The following CISD2 variants were observed in gnomAD, a reference collection of about 807,000 sequenced individuals.
CISD2 encodes CDGSH iron-sulfur domain-containing protein 2.
Under a neutral mutation model 12.9 loss-of-function variants are expected in CISD2, and 1 was observed. The observed-to-expected ratio is 0.08, with a 90% CI of 0.03 to 0.37. The LOEUF (loss-of-function observed/expected upper bound fraction) is 0.37, where lower values mean the gene tolerates loss of function less well. Among genes scored for constraint, CISD2 ranks in the 10% least tolerant of loss-of-function variants. The pLI, the probability that CISD2 is intolerant of heterozygous loss-of-function variation, is 0.99. For missense variants in CISD2, 97 were observed against 163.1 expected (o/e 0.59, Z 2.21); for synonymous variants, 50 against 60.6 (o/e 0.83, Z 0.81).
intron 1 of CISD2, among the ~76,000 whole-genome samples, chr4:102,871,433 T>G (rs1733445206): frequency 6.6e-6 from 1 of 152,210 alleles, no homozygotes; most frequent in African/African-American, 2.4e-5. Context: ...TAACATACAT[T>G]TAACTTAAGT....
At chr4:102,879,886 A>G (rs564562173) in intron 1 of CISD2, among the ~76,000 whole-genome samples, 1 of 152,312 alleles carries the variant, frequency 6.6e-6, no homozygotes, top group East Asian at 1.9e-4. Context: ...CTGGGGACAC[A>G]GATGATCAGA....
intron 1 of CISD2, among the ~76,000 whole-genome samples, chr4:102,880,318 A>C (rs1021033396): frequency 6.6e-6 from 1 of 152,162 alleles, no homozygotes; most frequent in Non-Finnish European, 1.5e-5. Flanking sequence ...TTTCCAACTG[A>C]TATTAAGGAG....
chr4:102,891,757 A>C lies in CISD2; in HGVS notation c.*4327A>C, dbSNP rs1334509711. The C allele has an allele frequency of 6.6e-6, 1 of 152,252 alleles. No homozygotes were observed. Among genetic ancestry groups the C allele is most frequent in the Non-Finnish European group, 1.5e-5 (1 of 68,042 alleles). The allele number at this position is 152,252 out of a possible 1,614,324, so 9.4% of individuals were successfully genotyped here. On this transcript the variant is annotated 3_prime_UTR_variant, in exon 3 of 3. Transcript: ENST00000273986. ...ATTTTGTTAAAGTTTGAGGAAAACT[A>C]AATAAAGCAGTAGCAATTTAAGTCA...
Position 102,883,983 on chromosome 4 carries a change from C to A in CISD2, c.104-1233C>A, listed in dbSNP as rs1733792787. ...TAAATAGGTTTTTTCATTTAGATTT[C>A]TTTGGCATGATGTTATATCAAAAAT... On this transcript the variant is annotated intron_variant, in intron 1 of 2. Transcript: ENST00000273986. Among the ~76,000 whole-genome samples, 5 of 152,124 alleles carry A rather than the reference C, an allele frequency of 3.3e-5. No individual in the cohort carries two copies. The South Asian group carries it at 1.0e-3, about 32-fold the overall frequency.
intron 1 of CISD2, among the ~76,000 whole-genome samples, chr4:102,879,126 C>T (rs1733656078): frequency 6.6e-6 from 1 of 152,016 alleles, no homozygotes; most frequent in South Asian, 2.1e-4. Context: ...GGGAGATTGC[C>T]TTGATGATTT....
intron 2 of CISD2, among the ~76,000 whole-genome samples, chr4:102,886,816 T>A (rs1733948454): frequency 6.6e-6 from 1 of 152,132 alleles, no homozygotes; most frequent in South Asian, 2.1e-4. Context: ...CGTTTTACCA[T>A]GTTGGCCAGA....
intron 1 of CISD2, among the ~76,000 whole-genome samples, chr4:102,876,321 T>C (rs902666906): frequency 9.8e-5 from 15 of 152,346 alleles, no homozygotes; most frequent in African/African-American, 3.6e-4. Context: ...ATTAGTTGTT[T>C]ACTGAAGTCC....
At chr4:102,885,471 C>G (rs111359083) in intron 2 of CISD2, 41 bp downstream of exon 2, 9 of 1,513,616 alleles carry the variant, frequency 5.9e-6, no homozygotes, top group Non-Finnish European at 8.3e-6. Flanking sequence ...TTTTGCAGTG[C>G]TAGGATTGTT....
chr4:102,882,235 T>C (rs1184664997), intron 1 of CISD2, among the ~76,000 whole-genome samples: 1 of 152,136 alleles, frequency 6.6e-6, no homozygotes, highest in Non-Finnish European at 1.5e-5. Flanking sequence ...TCCCATTCAC[T>C]CGCTTTTTGA....
In CISD2 at chr4:102,890,532, C is replaced by T. The variant is rs1279034425; in HGVS notation, c.*3102C>T. The T allele has an allele frequency of 6.6e-6, 1 of 152,082 alleles. No individual in the cohort carries two copies. The highest frequency in any genetic ancestry group is 1.5e-5 in the Non-Finnish European group (1 of 68,034). The allele number at this position is 152,082 out of a possible 1,614,324, so 9.4% of individuals were successfully genotyped here. On this transcript the variant is annotated 3_prime_UTR_variant, in exon 3 of 3. Coordinates refer to ENST00000273986, the MANE Select transcript of CISD2 (RefSeq NM_001008388.5). ...AGGGGAGATGTTACTAATGCTTGTA[C>T]TTTATTCAGAAATGAGTGCCTCATT...
chr4:102,872,226 G>C (rs1345420828), intron 1 of CISD2, among the ~76,000 whole-genome samples: 1 of 152,058 alleles, frequency 6.6e-6, no homozygotes, highest in Non-Finnish European at 1.5e-5. Flanking sequence ...GTGCCACCAT[G>C]CCTGGCTAAT....
chr4:102,882,605 G>C (rs1303274817), intron 1 of CISD2, among the ~76,000 whole-genome samples: 1 of 152,170 alleles, frequency 6.6e-6, no homozygotes, highest in Non-Finnish European at 1.5e-5. Context: ...AATGTTCTCT[G>C]TACTGTTCAA....
chr4:102,881,154 T>C (rs1004257380), intron 1 of CISD2, among the ~76,000 whole-genome samples: 12 of 152,136 alleles, frequency 7.9e-5, no homozygotes, highest in African/African-American at 2.7e-4. Context: ...TTCTTCTGTA[T>C]TTTATCTTTC....
At position 102,877,096 on chromosome 4, in the gene CISD2, C is replaced by T. The variant is rs112823971; in HGVS notation, c.103+7909C>T. Reference sequence around the variant, plus strand: ...AAGCCATATTATTCCACCCCTGGCTCCTCCCAAATTTCACATTCATTTTGC... The same window carrying T: ...AAGCCATATTATTCCACCCCTGGCTTCTCCCAAATTTCACATTCATTTTGC... On this transcript the variant is annotated intron_variant, in intron 1 of 2. Coordinates refer to ENST00000273986, the MANE Select transcript of CISD2 (RefSeq NM_001008388.5). Among the ~76,000 whole-genome samples the T allele has an allele frequency of 9.9e-4, 150 of 152,230 alleles. 1 individual carries two copies. The highest frequency in any genetic ancestry group is 3.5e-3 in the African/African-American group (147 of 41,544).
rs1435828968 is a variant in CISD2 at position 102,889,160 on chromosome 4, T to G, written c.*1730T>G. ...TTTTAGAGTTAGAAATGTAGTCTGG[T>G]TTTTGAGAAGTTTTACAAGGTGTAT... On this transcript the variant is annotated 3_prime_UTR_variant, in exon 3 of 3. Coordinates refer to ENST00000273986, the MANE Select transcript of CISD2 (RefSeq NM_001008388.5). 6.6e-6 allele frequency: 1 copy of G among 152,224 alleles called. No homozygotes were observed. The highest frequency in any genetic ancestry group is 2.4e-5 in the African/African-American group (1 of 41,462). The allele number at this position is 152,224 out of a possible 1,614,324, so 9.4% of individuals were successfully genotyped here. A position where few individuals can be genotyped will look rare whatever the true frequency, so the allele number is the denominator to read the frequency against.
intron 1 of CISD2, among the ~76,000 whole-genome samples, chr4:102,875,932 G>T (rs1424041056): frequency 6.6e-6 from 1 of 152,106 alleles, no homozygotes; most frequent in Non-Finnish European, 1.5e-5. Flanking sequence ...CATTCGTTAG[G>T]TCTCTGCTTA....
Position 102,885,497 on chromosome 4 carries a change from CCA to C in CISD2, c.318+68_318+69del, listed in dbSNP as rs374641336. On this transcript the variant is annotated intron_variant, in intron 2 of 2. Transcript: ENST00000273986. ...TAGGATTGTTTCGCCTCTTAAATCC[CCA>C]GTTTTGAAGTTCTTTAAGATGAGAG... 319 of 1,237,842 alleles carry C rather than the reference CCA, an allele frequency of 2.6e-4. 1 individual carries two copies. The East Asian group carries it at 4.7e-3, about 18-fold the overall frequency. 76.7% of individuals were successfully genotyped at this position (1,237,842 alleles called of 1,614,324 possible). A position where few individuals can be genotyped will look rare whatever the true frequency, so the allele number is the denominator to read the frequency against.
chr4:102,869,384 C>A, intron 1 of CISD2, 197 bp downstream of exon 1: 1 of 748,428 alleles, frequency 1.3e-6, no homozygotes, highest in Non-Finnish European at 2.3e-6. Flanking sequence ...TGCTTGATGC[C>A]CCAGGGTCTT....
At chr4:102,869,410 T>A (rs909493806) in intron 1 of CISD2, 2 of 714,724 alleles carry the variant, frequency 2.8e-6, no homozygotes, top group East Asian at 2.7e-5. Flanking sequence ...CTCGGAGTTG[T>A]CTCCGGTGTC....
Sources: allele counts gnomAD v4.1 joint callset (sites outside exome capture counted in the v4.1 genomes callset), GRCh38; gene constraint gnomAD v4.1.1; transcripts MANE v1.5; gene names NCBI Gene and HGNC (gene_info 2026-07-23, HGNC 2026-07-21).